KIRREL3: variants seen among roughly 807,000 people sequenced by gnomAD.
The protein encoded by KIRREL3 is kirre like nephrin family adhesion molecule 3, also known as kin of IRRE-like protein 3.
Under a neutral mutation model 89.7 loss-of-function variants are expected in KIRREL3, and 36 were observed. The ratio of observed to expected loss-of-function variants is 0.40; its 90% CI spans 0.31 to 0.53. The LOEUF is 0.53. Among genes scored for constraint, KIRREL3 ranks in the 20% least tolerant of loss-of-function variants. KIRREL3 has a pLI of 0.49. For missense variants in KIRREL3, 864 were observed against 1,056.6 expected, an observed-to-expected ratio of 0.82 and a Z score of 2.53; for synonymous variants, 445 against 441.4, an observed-to-expected ratio of 1.01 and a Z score of -0.10.
rs144595181 is a variant in KIRREL3, at chr11:126,642,023, G to A, written c.56-79111C>T. Among the ~76,000 whole-genome samples the A allele has an allele frequency of 6.6e-6, 1 of 152,306 alleles. No homozygotes were observed. The highest frequency in any genetic ancestry group is 1.9e-4 in the East Asian group (1 of 5,178). On this transcript the variant is annotated intron_variant, in intron 1 of 16. Transcript: ENST00000525144. The surrounding 1 kb of genome is among the most constrained non-coding windows in gnomAD (Gnocchi z 4.9). ...GCTTCCTTCTGAAATGCTCAGAAATGTACCGATGTCCTTAGATGCTGCAGA... is the reference window on the plus strand; with the variant it reads ...GCTTCCTTCTGAAATGCTCAGAAATATACCGATGTCCTTAGATGCTGCAGA...
chr11:126,586,502 A>G (rs1941865825), intron 1 of KIRREL3, among the ~76,000 whole-genome samples: 1 of 151,752 alleles, frequency 6.6e-6, no homozygotes, highest in Admixed American at 6.6e-5. Flanking sequence ...GCTTGTCATT[A>G]GTTCTTCCTA....
intron 1 of KIRREL3, among the ~76,000 whole-genome samples, chr11:126,925,147 G>T (rs1423931888): frequency 6.7e-6 from 1 of 150,354 alleles, no homozygotes; most frequent in East Asian, 2.0e-4. Flanking sequence ...GCCCTGCAAG[G>T]GTTTGGCTGG....
In KIRREL3 at chr11:126,755,848, A is replaced by AGAGAGAGG. The variant is rs1175020808; in HGVS notation, c.56-192944_56-192937dup. ...CAGAGAGAGAGAGAGAGAGAGAGAG[A>AGAGAGAGG]GAGAGAGGGAGAGAGGGAGAGAGAA... On this transcript the variant is annotated intron_variant, in intron 1 of 16. Coordinates refer to ENST00000525144, the MANE Select transcript of KIRREL3 (RefSeq NM_032531.4). This position sits in a 1 kb window ranked among gnomAD's most constrained non-coding sequence, Gnocchi z 4.3. Among the ~76,000 whole-genome samples the AGAGAGAGG allele has an allele frequency of 9.1e-6, 1 of 109,740 alleles. No individual in the cohort carries two copies. The highest frequency in any genetic ancestry group is 4.1e-5 in the African/African-American group (1 of 24,582). 72.0% of individuals were successfully genotyped at this position (109,740 alleles called of 152,430 possible). A position where few individuals can be genotyped will look rare whatever the true frequency, so the allele number is the denominator to read the frequency against.
rs182397791 is a variant in KIRREL3, at chr11:126,427,980, C to T, written c.1806+1199G>A. Among the ~76,000 whole-genome samples, 333 of 152,218 alleles carry T rather than the reference C, an allele frequency of 2.2e-3. 1 individual carries two copies. Among genetic ancestry groups the T allele is most frequent in the African/African-American group, 6.7e-3 (279 of 41,528 alleles). ...AATCAATTGGAGAGAGAAAGCGTAGCCGAGGGAAAAGTCAGTTTGATTCAG... is the reference window on the plus strand; with the variant it reads ...AATCAATTGGAGAGAGAAAGCGTAGTCGAGGGAAAAGTCAGTTTGATTCAG... On this transcript the variant is annotated intron_variant, in intron 15 of 16. Coordinates refer to ENST00000525144, the MANE Select transcript of KIRREL3 (RefSeq NM_032531.4). This position sits in a 1 kb window ranked among gnomAD's most constrained non-coding sequence, Gnocchi z 5.3.
intron 1 of KIRREL3, among the ~76,000 whole-genome samples, chr11:126,958,394 C>T (rs1250532068): frequency 6.6e-6 from 1 of 152,212 alleles, no homozygotes; most frequent in East Asian, 1.9e-4. Flanking sequence ...CATCCTCTGG[C>T]CCAGGGGGGC....
chr11:126,638,669 C>T (rs1944356745), intron 1 of KIRREL3, among the ~76,000 whole-genome samples: 1 of 152,176 alleles, frequency 6.6e-6, no homozygotes, highest in African/African-American at 2.4e-5. Flanking sequence ...TATATGTTCA[C>T]GTCACTGCAG....
Position 126,906,833 on chromosome 11 carries a change from T to C in KIRREL3, c.55+93622A>G, listed in dbSNP as rs1946607554. ...GCTCTGCCTCCTGAAAGGATGGCTTTGCCTTTCTGAGGTCCATGAAGGGAA... is the reference window on the plus strand; with the variant it reads ...GCTCTGCCTCCTGAAAGGATGGCTTCGCCTTTCTGAGGTCCATGAAGGGAA... On this transcript the variant is annotated intron_variant, in intron 1 of 16. Transcript: ENST00000525144. The surrounding 1 kb of genome is among the most constrained non-coding windows in gnomAD (Gnocchi z 4.1). Among the ~76,000 whole-genome samples the C allele has an allele frequency of 6.6e-6, 1 of 152,250 alleles. No individual in the cohort carries two copies. The highest frequency in any genetic ancestry group is 2.1e-4 in the South Asian group (1 of 4,836).
chr11:126,577,618 G>A (rs377215976), intron 1 of KIRREL3, among the ~76,000 whole-genome samples: 23 of 149,378 alleles, frequency 1.5e-4, no homozygotes, highest in South Asian at 8.6e-4. Context: ...AAAGATTAGC[G>A]GGGCGTGGTG....
intron 5 of KIRREL3, among the ~76,000 whole-genome samples, chr11:126,469,096 G>T: frequency 6.6e-6 from 1 of 152,234 alleles, no homozygotes; most frequent in South Asian, 2.1e-4. Context: ...ACCCCTTAAA[G>T]TGGGTGCTGC....
In KIRREL3 at chr11:126,981,456, G is replaced by T. The variant is rs1949715309; in HGVS notation, c.55+18999C>A. Among the ~76,000 whole-genome samples the T allele has an allele frequency of 6.6e-6, 1 of 152,166 alleles. No individual in the cohort carries two copies. The highest frequency in any genetic ancestry group is 6.5e-5 in the Admixed American group (1 of 15,274). On this transcript the variant is annotated intron_variant, in intron 1 of 16. Transcript: ENST00000525144. This position sits in a 1 kb window ranked among gnomAD's most constrained non-coding sequence, Gnocchi z 4.2. ...AGGTGTTATATGTGGTGTAGCTTAG[G>T]ATTCCAGGCAGAAGACAGTCCAGTA...
rs1348523080 is a variant in KIRREL3, at chr11:126,606,496, C to T, written c.56-43584G>A. Among the ~76,000 whole-genome samples the T allele has an allele frequency of 4.6e-5, 7 of 152,154 alleles. No homozygotes were observed. Among genetic ancestry groups the T allele is most frequent in the African/African-American group, 1.4e-4 (6 of 41,438 alleles). On this transcript the variant is annotated intron_variant, in intron 1 of 16. Coordinates refer to ENST00000525144, the MANE Select transcript of KIRREL3 (RefSeq NM_032531.4). The surrounding 1 kb of genome is among the most constrained non-coding windows in gnomAD (Gnocchi z 4.6). ...TTATTAAGTTGTCGATTTCACAGGGCCATGGGGGAGGGAAGTCCGGGCTCT... is the reference window on the plus strand; with the variant it reads ...TTATTAAGTTGTCGATTTCACAGGGTCATGGGGGAGGGAAGTCCGGGCTCT...
At chr11:126,497,422 A>C (rs889977183) in intron 4 of KIRREL3, among the ~76,000 whole-genome samples, 2 of 152,172 alleles carry the variant, frequency 1.3e-5, no homozygotes, top group Non-Finnish European at 2.9e-5. Flanking sequence ...TGCAAGTCAA[A>C]GGGAGGCCTT....
chr11:126,749,190 T>C (rs192974709), intron 1 of KIRREL3, among the ~76,000 whole-genome samples: 3 of 152,306 alleles, frequency 2.0e-5, no homozygotes, highest in Non-Finnish European at 2.9e-5. Context: ...AGTGATGAAT[T>C]CCCTCCGTTC....
At chr11:126,464,404 G>A (rs1345237401) in intron 5 of KIRREL3, among the ~76,000 whole-genome samples, 1 of 151,648 alleles carries the variant, frequency 6.6e-6, no homozygotes, top group Non-Finnish European at 1.5e-5. Context: ...GGTGGCTTGT[G>A]CCTGTAGTCC....
intron 10 of KIRREL3, among the ~76,000 whole-genome samples, chr11:126,442,384 A>G (rs1257383499): frequency 6.6e-6 from 1 of 151,172 alleles, no homozygotes; most frequent in Non-Finnish European, 1.5e-5. Context: ...CCCAGGAGCT[A>G]GGAATTCCCT....
At chr11:126,435,630 T>C (rs1955296940) in intron 12 of KIRREL3, among the ~76,000 whole-genome samples, 1 of 151,842 alleles carries the variant, frequency 6.6e-6, no homozygotes, top group Admixed American at 6.6e-5. Flanking sequence ...CCAGGAAGGT[T>C]TGGGATGATG....
Position 126,687,311 on chromosome 11 carries a change from AT to A in KIRREL3, c.56-124400del, listed in dbSNP as rs1946702648. Among the ~76,000 whole-genome samples, 1 of 152,220 alleles carries A rather than the reference AT, an allele frequency of 6.6e-6. No individual in the cohort carries two copies. Among genetic ancestry groups the A allele is most frequent in the African/African-American group, 2.4e-5 (1 of 41,462 alleles). On this transcript the variant is annotated intron_variant, in intron 1 of 16. Transcript: ENST00000525144. The surrounding 1 kb of genome is among the most constrained non-coding windows in gnomAD (Gnocchi z 4.6). The stretch of plus-strand genomic sequence containing the variant: ...ATTTGCATCACAAAATTGCCTTCAA[AT>A]TAGCACAGAGAGGGAAAAATCAACG...
Position 126,763,641 on chromosome 11 carries a change from G to A in KIRREL3, c.56-200729C>T, listed in dbSNP as rs1049122981. ...AGGCAATGGCCAGTGGGGCCAGCGC[G>A]GGTTTGAAATCTATCTTCCCCATAC... On this transcript the variant is annotated intron_variant, in intron 1 of 16. Coordinates refer to ENST00000525144, the MANE Select transcript of KIRREL3 (RefSeq NM_032531.4). The surrounding 1 kb of genome is among the most constrained non-coding windows in gnomAD (Gnocchi z 4.7). Among the ~76,000 whole-genome samples, 4 of 152,126 alleles carry A rather than the reference G, an allele frequency of 2.6e-5. No individual in the cohort carries two copies. Among genetic ancestry groups the A allele is most frequent in the African/African-American group, 7.2e-5 (3 of 41,422 alleles).
intron 1 of KIRREL3, among the ~76,000 whole-genome samples, chr11:126,692,755 G>T (rs993053825): frequency 1.3e-5 from 2 of 152,282 alleles, no homozygotes; most frequent in African/African-American, 2.4e-5. Context: ...GACAAATATT[G>T]TATGACTTCA....
Sources: gnomAD v4.1 joint callset for allele counts (sites outside exome capture counted in the v4.1 genomes callset) on GRCh38, gnomAD v4.1.1 for gene constraint, Gnocchi (gnomAD v3.1) non-coding constraint, MANE v1.5 for transcripts, NCBI Gene and HGNC (gene_info 2026-07-23, HGNC 2026-07-21) for gene names.